Variants in SWAP70 observed in about 807,000 individuals in gnomAD.
SWAP70 encodes the protein switching B cell complex subunit SWAP70, also known as switch-associated protein 70.
A neutral mutation model predicts 80.2 loss-of-function variants in SWAP70; 34 were observed. The observed-to-expected ratio is 0.42, with a 90% CI of 0.32 to 0.56. The LOEUF is 0.56. SWAP70 is among the 20% of genes least tolerant of loss of function. The probability of loss-of-function intolerance (pLI) is 0.09; values close to 1 mark genes in which losing one functional copy is unlikely to be tolerated. For synonymous variants in SWAP70, 239 were observed against 238.5 expected, an observed-to-expected ratio of 1.00 and a Z score of -0.02; for missense variants, 578 against 690.7, an observed-to-expected ratio of 0.84 and a Z score of 1.83.
intron 2 of SWAP70, among the ~76,000 whole-genome samples, chr11:9,702,640 T>G (rs1407466983): frequency 6.6e-6 from 1 of 152,098 alleles, no homozygotes; most frequent in Non-Finnish European, 1.5e-5. Context: ...AGGCTGGTCT[T>G]GAACTCCTGA....
chr11:9,682,719 C>G (rs1407045960), intron 1 of SWAP70, among the ~76,000 whole-genome samples: 1 of 151,830 alleles, frequency 6.6e-6, no homozygotes, highest in African/African-American at 2.4e-5. Flanking sequence ...GTCTGTTGCC[C>G]ACGCAGGAGT....
intron 1 of SWAP70, among the ~76,000 whole-genome samples, chr11:9,684,806 A>C (rs1050165844): frequency 6.6e-6 from 1 of 152,212 alleles, no homozygotes; most frequent in African/African-American, 2.4e-5. Context: ...AAAAAAGAAA[A>C]AAATTCTTGG....
chr11:9,722,353 G>A (rs1851150315), intron 3 of SWAP70, among the ~76,000 whole-genome samples: 1 of 152,214 alleles, frequency 6.6e-6, no homozygotes, highest in Non-Finnish European at 1.5e-5. Context: ...TGCAGAAAAT[G>A]GTAGAAAAGC....
intron 8 of SWAP70, among the ~76,000 whole-genome samples, chr11:9,739,450 A>C (rs1851407057): frequency 6.6e-6 from 1 of 152,160 alleles, no homozygotes; most frequent in Non-Finnish European, 1.5e-5. Flanking sequence ...TTCTTCTTTA[A>C]GTTCAGGATT....
chr11:9,667,917 G>T (rs1850328784), intron 1 of SWAP70, among the ~76,000 whole-genome samples: 1 of 151,938 alleles, frequency 6.6e-6, no homozygotes, highest in South Asian at 2.1e-4. Flanking sequence ...GAGACGGAGT[G>T]TCGCTTTATC....
intron 2 of SWAP70, among the ~76,000 whole-genome samples, chr11:9,712,301 G>A (rs1004316082): frequency 1.1e-4 from 16 of 152,022 alleles, no homozygotes; most frequent in African/African-American, 3.6e-4. Flanking sequence ...CAATTCTATT[G>A]AATTATACAC....
intron 2 of SWAP70, among the ~76,000 whole-genome samples, chr11:9,711,470 C>T (rs980470303): frequency 3.3e-5 from 5 of 152,074 alleles, no homozygotes; most frequent in Admixed American, 1.3e-4. Flanking sequence ...TCTACAGAGT[C>T]TTGGTGGGGA....
rs202227131 is a variant in SWAP70, at chr11:9,664,149, G to C, written c.-31G>C. On this transcript the variant is annotated 5_prime_UTR_variant, in exon 1 of 12. Transcript: ENST00000318950. The stretch of plus-strand genomic sequence containing the variant: ...AGGCGCGGAGGGGCTGGCTGGGCAG[G>C]AGGGGTTGGCGGGGCAGCAGGGCCG... 6.5e-7 allele frequency: 1 copy of C among 1,545,884 alleles called. No homozygotes were observed. Among genetic ancestry groups the C allele is most frequent in the South Asian group, 1.2e-5 (1 of 82,864 alleles).
intron 1 of SWAP70, among the ~76,000 whole-genome samples, chr11:9,665,053 C>A (rs1204821684): frequency 2.0e-5 from 3 of 151,716 alleles, no homozygotes; most frequent in Non-Finnish European, 4.4e-5. Context: ...AATTGAGTAA[C>A]CCCAAGCAGC....
At chr11:9,745,908 A>C (rs1392782558) in intron 9 of SWAP70, among the ~76,000 whole-genome samples, 1 of 152,230 alleles carries the variant, frequency 6.6e-6, no homozygotes, top group Non-Finnish European at 1.5e-5. Flanking sequence ...ACAGAAAGGC[A>C]GGTGACCAGG....
chr11:9,673,160 G>A (rs1850441855), intron 1 of SWAP70, among the ~76,000 whole-genome samples: 1 of 152,118 alleles, frequency 6.6e-6, no homozygotes, highest in African/African-American at 2.4e-5. Context: ...CCCACAAGAC[G>A]GTCCTCCTCC....
chr11:9,730,822 G>T (rs1464302686), intron 6 of SWAP70, among the ~76,000 whole-genome samples: 1 of 152,162 alleles, frequency 6.6e-6, no homozygotes, highest in Non-Finnish European at 1.5e-5. Context: ...GTGCAGGTCT[G>T]TTACATGGGT....
intron 2 of SWAP70, among the ~76,000 whole-genome samples, chr11:9,699,542 CT>C (rs1444605481): frequency 6.6e-6 from 1 of 151,872 alleles, no homozygotes; most frequent in Non-Finnish European, 1.5e-5. Context: ...TGATGGCCTG[CT>C]GTGTGTATGT....
chr11:9,698,083 G>A lies in SWAP70; in HGVS notation c.240+3797G>A, dbSNP rs547831325. The stretch of plus-strand genomic sequence containing the variant: ...TTACAGATGTGAGCCACCATGCCTG[G>A]CCAATACATGTTTTTTGTTTTTTTT... On this transcript the variant is annotated intron_variant, in intron 2 of 11. Coordinates refer to ENST00000318950, the MANE Select transcript of SWAP70 (RefSeq NM_015055.4). Among the ~76,000 whole-genome samples the A allele has an allele frequency of 5.1e-4, 74 of 145,712 alleles. 1 individual carries two copies. Among genetic ancestry groups the A allele is most frequent in the African/African-American group, 1.7e-3 (69 of 39,844 alleles).
chr11:9,718,700 T>C (rs1386937357), intron 3 of SWAP70, among the ~76,000 whole-genome samples: 1 of 152,228 alleles, frequency 6.6e-6, no homozygotes. Context: ...TTAGGATTTA[T>C]AAATTTGAAG....
chr11:9,710,959 C>T (rs896158610), intron 2 of SWAP70, among the ~76,000 whole-genome samples: 1 of 151,586 alleles, frequency 6.6e-6, no homozygotes, highest in Non-Finnish European at 1.5e-5. Context: ...GCTGAGATTA[C>T]ATAGGCATGA....
intron 1 of SWAP70, among the ~76,000 whole-genome samples, chr11:9,667,249 T>TGA (rs555327465): frequency 2.3e-4 from 35 of 151,668 alleles, no homozygotes; most frequent in East Asian, 5.8e-4. Context: ...TGTGTGTGTG[T>TGA]GAGAGAGAGA....
chr11:9,720,203 T>C, intron 3 of SWAP70: 1 of 985,414 alleles, frequency 1.0e-6, no homozygotes, highest in African/African-American at 1.7e-5. Flanking sequence ...GTTATTTGGT[T>C]ATGATACGTA....
intron 2 of SWAP70, among the ~76,000 whole-genome samples, chr11:9,711,445 T>A (rs1298018150): frequency 1.3e-5 from 2 of 152,160 alleles, no homozygotes; most frequent in Non-Finnish European, 2.9e-5. Context: ...AACTTTTTTC[T>A]TACATTTGGG....
Sources: gnomAD v4.1 joint callset for allele counts (sites outside exome capture counted in the v4.1 genomes callset) on GRCh38, gnomAD v4.1.1 for gene constraint, MANE v1.5 for transcripts, NCBI Gene and HGNC (gene_info 2026-07-23, HGNC 2026-07-21) for gene names.